RPS6KA2: variants seen among roughly 807,000 people sequenced by gnomAD.
The protein encoded by RPS6KA2 is ribosomal protein S6 kinase alpha-2.
In RPS6KA2, 42 loss-of-function variants were observed where a neutral mutation model predicts 91.8. That is an observed-to-expected ratio of 0.46 (90% CI 0.36 to 0.59). The LOEUF (loss-of-function observed/expected upper bound fraction) is 0.59. RPS6KA2 is among the 20% of genes least tolerant of loss of function. The probability of loss-of-function intolerance (pLI) is 0.00; values close to 1 mark genes in which losing one functional copy is unlikely to be tolerated. For missense variants in RPS6KA2, 798 were observed against 978.5 expected (o/e 0.82, Z 2.46); for synonymous variants, 414 against 393.6 (o/e 1.05, Z -0.61).
intron 17 of RPS6KA2, among the ~76,000 whole-genome samples, chr6:166,422,253 CT>C (rs1778748870): frequency 1.3e-5 from 2 of 152,186 alleles, no homozygotes; most frequent in Non-Finnish European, 2.9e-5. Flanking sequence ...TGGATGACCC[CT>C]GCATAACCTA....
At chr6:166,844,348 G>T (rs1780558734) in intron 2 of RPS6KA2, among the ~76,000 whole-genome samples, 1 of 152,188 alleles carries the variant, frequency 6.6e-6, no homozygotes, top group African/African-American at 2.4e-5. Context: ...GAAAACATTT[G>T]AGGGAAAAAT....
intron 2 of RPS6KA2, 26 bp downstream of exon 2, chr6:166,538,642 C>A: frequency 7.5e-7 from 1 of 1,326,530 alleles, no homozygotes; most frequent in South Asian, 1.2e-5. Flanking sequence ...GAATGAGACT[C>A]AAGAGACAGC....
chr6:166,831,875 TAGAC>T lies in RPS6KA2; in HGVS notation c.123+26321_123+26324del, dbSNP rs571976643. Among the ~76,000 whole-genome samples the T allele has an allele frequency of 2.0e-4, 29 of 146,466 alleles. No homozygotes were observed. The South Asian group carries it at 3.4e-3, about 17-fold the overall frequency. Reference sequence around the variant, plus strand: ...TATAGATACATATATACATAGATGATAGACAGATGATAGATGGATAGATAGATGA... The same window carrying T: ...TATAGATACATATATACATAGATGATAGATGATAGATGGATAGATAGATGA... On this transcript the variant is annotated intron_variant, in intron 2 of 21. Coordinates refer to the RPS6KA2 transcript ENST00000503859.
At chr6:166,589,540 C>T (rs1785290978) in intron 1 of RPS6KA2, among the ~76,000 whole-genome samples, 1 of 152,220 alleles carries the variant, frequency 6.6e-6, no homozygotes, top group Non-Finnish European at 1.5e-5. Flanking sequence ...ATCAGTCATG[C>T]TTCATGGAAG....
intron 2 of RPS6KA2, among the ~76,000 whole-genome samples, chr6:166,805,446 C>T (rs1779468718): frequency 6.6e-6 from 1 of 152,024 alleles, no homozygotes; most frequent in Non-Finnish European, 1.5e-5. Flanking sequence ...TTTTTCTTAC[C>T]CCCTCCCCCA....
At chr6:166,650,427 A>C (rs868234514) in intron 2 of RPS6KA2, among the ~76,000 whole-genome samples, 3 of 150,340 alleles carry the variant, frequency 2.0e-5, no homozygotes, top group Non-Finnish European at 3.0e-5. Context: ...TTTCACGGCC[A>C]TCACTTTAGG....
chr6:166,699,319 G>A (rs948656882), intron 2 of RPS6KA2, among the ~76,000 whole-genome samples: 1 of 152,152 alleles, frequency 6.6e-6, no homozygotes, highest in Non-Finnish European at 1.5e-5. Flanking sequence ...TCAGATCCTA[G>A]TTAAGGAAAG....
At position 166,477,144 on chromosome 6, in the gene RPS6KA2, G is replaced by A. The variant is rs143028497; in HGVS notation, c.908-7239C>T. Reference sequence around the variant, plus strand: ...GCAACTAAATCCAGCGCCCTCCCTGGATAAAGGCTGGGCAATTAATTCTGA... The same window carrying A: ...GCAACTAAATCCAGCGCCCTCCCTGAATAAAGGCTGGGCAATTAATTCTGA... On this transcript the variant is annotated intron_variant, in intron 10 of 20. Transcript: ENST00000265678. Among the ~76,000 whole-genome samples, 595 of 152,296 alleles carry A rather than the reference G, an allele frequency of 3.9e-3. 4 individuals carry two copies. The highest frequency in any genetic ancestry group is 0.014 in the African/African-American group (566 of 41,548).
At chr6:166,447,471 C>A (rs1562499044) in intron 14 of RPS6KA2, among the ~76,000 whole-genome samples, 1 of 152,184 alleles carries the variant, frequency 6.6e-6, no homozygotes, top group Non-Finnish European at 1.5e-5. Flanking sequence ...CAAACAAAAT[C>A]AAGGGACCTG....
intron 2 of RPS6KA2, among the ~76,000 whole-genome samples, chr6:166,842,409 G>C (rs1780507358): frequency 6.6e-6 from 1 of 152,192 alleles, no homozygotes; most frequent in Admixed American, 6.5e-5. Context: ...GAACACCAGA[G>C]GTCACCAGCA....
In RPS6KA2 at chr6:166,825,545, C is replaced by G. The variant is rs749763378; in HGVS notation, c.123+32655G>C. 1.3e-5 allele frequency among the ~76,000 whole-genome samples: 2 copies of G among 152,192 alleles called. No individual in the cohort carries two copies. Among genetic ancestry groups the G allele is most frequent in the African/African-American group, 2.4e-5 (1 of 41,442 alleles). The stretch of plus-strand genomic sequence containing the variant: ...TACCCTAGACTGGGTAGCTTAGCTA[C>G]TTACCCTAGACTGGGTGGCTTTTAA... On this transcript the variant is annotated intron_variant, in intron 2 of 21. Transcript: ENST00000503859. The surrounding 1 kb of genome is among the most constrained non-coding windows in gnomAD (Gnocchi z 4.1).
At chr6:166,476,621 C>T (rs567669436) in intron 10 of RPS6KA2, among the ~76,000 whole-genome samples, 9 of 152,178 alleles carry the variant, frequency 5.9e-5, no homozygotes, top group African/African-American at 2.2e-4. Flanking sequence ...AAGGAAGAGG[C>T]AGGGGTGAGG....
chr6:166,535,732 T>C (rs1363084129), intron 2 of RPS6KA2, among the ~76,000 whole-genome samples: 1 of 152,246 alleles, frequency 6.6e-6, no homozygotes, highest in Admixed American at 6.5e-5. Flanking sequence ...CCATCTTTCA[T>C]TGCTTTCCTG....
chr6:166,438,943 A>G (rs1376047279), intron 14 of RPS6KA2, among the ~76,000 whole-genome samples: 1 of 152,248 alleles, frequency 6.6e-6, no homozygotes, highest in African/African-American at 2.4e-5. Context: ...CAATGAATGA[A>G]AAAAGTAACC....
chr6:166,551,191 T>C (rs1027546524), intron 1 of RPS6KA2, among the ~76,000 whole-genome samples: 3 of 152,140 alleles, frequency 2.0e-5, no homozygotes, highest in African/African-American at 4.8e-5. Flanking sequence ...TCTTTTGTAA[T>C]GTATGTGTGT....
At chr6:166,687,818 A>G (rs907592940) in intron 2 of RPS6KA2, among the ~76,000 whole-genome samples, 1 of 152,242 alleles carries the variant, frequency 6.6e-6, no homozygotes, top group Admixed American at 6.5e-5. Flanking sequence ...ACAGAGATGC[A>G]AAATTGCCTT....
In RPS6KA2 at chr6:166,423,211, C is replaced by T; in HGVS notation, c.1743+45G>A. On this transcript the variant is annotated intron_variant, in intron 17 of 20. Coordinates refer to ENST00000265678, the MANE Select transcript of RPS6KA2 (RefSeq NM_021135.6). The surrounding 1 kb of genome is among the most constrained non-coding windows in gnomAD (Gnocchi z 4.8). ...TGCAGTGGGAGGGGGCAGAGCCTGT[C>T]TTTGCGGATAGAGAGGCCTGGGTCT... 6.4e-7 allele frequency: 1 copy of T among 1,570,078 alleles called. No homozygotes were observed. Among genetic ancestry groups the T allele is most frequent in the Non-Finnish European group, 8.7e-7 (1 of 1,152,496 alleles).
At chr6:166,558,726 G>A (rs1231997621) in intron 1 of RPS6KA2, among the ~76,000 whole-genome samples, 1 of 152,180 alleles carries the variant, frequency 6.6e-6, no homozygotes, top group Non-Finnish European at 1.5e-5. Flanking sequence ...GGCAAACCGT[G>A]AGAAGTAGTG....
chr6:166,662,966 C>T lies in RPS6KA2; in HGVS notation c.124-124182G>A, dbSNP rs1419429042. On this transcript the variant is annotated intron_variant, in intron 2 of 21. Coordinates refer to the RPS6KA2 transcript ENST00000503859. The surrounding 1 kb of genome is among the most constrained non-coding windows in gnomAD (Gnocchi z 4.3). ...CGCGAGGACAGGGAGGAGGCGCCAT[C>T]TGCAAGCAAGAGGAGAGCCACGGAA... 1.3e-5 allele frequency among the ~76,000 whole-genome samples: 2 copies of T among 152,118 alleles called. No individual in the cohort carries two copies. Among genetic ancestry groups the T allele is most frequent in the Non-Finnish European group, 2.9e-5 (2 of 68,016 alleles).
Sources: gnomAD v4.1 joint callset for allele counts (sites outside exome capture counted in the v4.1 genomes callset) on GRCh38, gnomAD v4.1.1 for gene constraint, Gnocchi (gnomAD v3.1) non-coding constraint, MANE v1.5 for transcripts, NCBI Gene and HGNC (gene_info 2026-07-23, HGNC 2026-07-21) for gene names.